The following ALKBH3 variants were observed in gnomAD, a reference collection of about 807,000 sequenced individuals.
ALKBH3 encodes alpha-ketoglutarate-dependent dioxygenase alkB homolog 3.
A neutral mutation model predicts 43.9 loss-of-function variants in ALKBH3; 51 were observed. The observed-to-expected ratio is 1.16, with a 90% confidence interval of 0.93 to 1.47. ALKBH3 has a LOEUF of 1.47. Among genes scored for constraint, ALKBH3 ranks in the 40% most tolerant of loss-of-function variants. The pLI, the probability that ALKBH3 is intolerant of heterozygous loss-of-function variation, is 0.00. For synonymous variants in ALKBH3, 102 were observed against 115.2 expected (o/e 0.89, Z 0.73); for missense variants, 361 against 351.9 (o/e 1.03, Z -0.21).
In ALKBH3 at chr11:43,882,716, G is replaced by A. The variant is rs747116638; in HGVS notation, c.64G>A (p.Ala22Thr). Residue 22 changes from alanine (A) to threonine (T), a missense_variant, in exon 2 of 10, where the codon GCC (alanine) becomes ACC (threonine). By Grantham distance (58) the Ala-to-Thr change is moderately conservative (BLOSUM62 0). Transcript: ENST00000302708. ...GAWAAPVKSQ[A>T]IAQPATTAKS... ...CTGGGCTGCCCCTGTTAAAAGCCAGGCCATTGCTCAGCCAGGCAAGAATCT... is the reference window on the plus strand; with the variant it reads ...CTGGGCTGCCCCTGTTAAAAGCCAGACCATTGCTCAGCCAGGCAAGAATCT... 1.9e-6 allele frequency: 3 copies of A among 1,612,816 alleles called. No individual in the cohort carries two copies. The South Asian group carries it at 3.3e-5, about 18-fold the overall frequency.
intron 8 of ALKBH3, 84 bp downstream of exon 8, chr11:43,901,809 G>A (rs964583495): frequency 6.8e-7 from 1 of 1,474,862 alleles, no homozygotes; most frequent in African/African-American, 1.4e-5. Flanking sequence ...TCTACTTTCA[G>A]ATTTCGAGCA....
chr11:43,899,667 C>T (rs1951846955), intron 7 of ALKBH3: 1 of 398,696 alleles, frequency 2.5e-6, no homozygotes, highest in Non-Finnish European at 4.7e-6. Context: ...CTCCTCTCAC[C>T]TCTAGAGAGC....
intron 7 of ALKBH3, chr11:43,898,648 T>C (rs545706625): frequency 1.1e-5 from 8 of 729,326 alleles, no homozygotes; most frequent in East Asian, 5.0e-5. Flanking sequence ...GCGCCACTTA[T>C]GGAGACCTGA....
At chr11:43,883,543 C>T (rs1951728255) in intron 3 of ALKBH3, among the ~76,000 whole-genome samples, 2 of 152,096 alleles carry the variant, frequency 1.3e-5, no homozygotes, top group African/African-American at 2.4e-5. Flanking sequence ...TCAGTTTTTA[C>T]AATAAAATGC....
chr11:43,886,606 C>A lies in ALKBH3; in HGVS notation c.219C>A (p.Asp73Glu), dbSNP rs1432647011. Reference sequence around the variant, plus strand: ...AAGTCTGTTTCCTTTGTTTCTTTAGCAGAGAGGGTGTGTATGAAATCAGCC... The same window carrying A: ...AAGTCTGTTTCCTTTGTTTCTTTAGAAGAGAGGGTGTGTATGAAATCAGCC... ...VRRAPEPRVI[D>E]REGVYEISLS... is the part of the protein sequence containing the mutation. The change falls in exon 5 of 10, where the codon GAC (aspartate) becomes GAA (glutamate). Residue 73 changes from aspartate to glutamate, a missense_variant and splice_region_variant. Asp to Glu is a conservative substitution (Grantham distance 45). Coordinates refer to ENST00000302708, the MANE Select transcript of ALKBH3 (RefSeq NM_139178.4). 6.2e-7 allele frequency: 1 copy of A among 1,614,056 alleles called. No individual in the cohort carries two copies. Among genetic ancestry groups the A allele is most frequent in the Non-Finnish European group, 8.5e-7 (1 of 1,179,982 alleles).
intron 7 of ALKBH3, among the ~76,000 whole-genome samples, chr11:43,899,874 A>G (rs1240337493): frequency 7.4e-5 from 11 of 148,194 alleles, no homozygotes; most frequent in Admixed American, 2.0e-4. Context: ...GGTCTCAGGA[A>G]AAAAAAAAAA....
chr11:43,897,322 T>A, intron 7 of ALKBH3: 1 of 627,830 alleles, frequency 1.6e-6, no homozygotes. Flanking sequence ...TGACAAGAAC[T>A]AGACTTTGGG....
chr11:43,919,107 A>G lies in ALKBH3; in HGVS notation c.739A>G (p.Met247Val). The change falls in exon 9 of 10, where the codon ATG becomes GTG. Residue 247 changes from methionine to valine, a missense_variant. Met to Val is a conservative substitution (Grantham distance 21). Transcript: ENST00000302708. Reference sequence around the variant, plus strand: ...CTTGGATCATGGGACCTTGTTAATCATGGAAGGAGCGACACAAGCTGACTG... The same window carrying G: ...CTTGGATCATGGGACCTTGTTAATCGTGGAAGGAGCGACACAAGCTGACTG... Reference protein sequence around the residue: ...IPLDHGTLLIMEGATQADWQH... With the variant: ...IPLDHGTLLIVEGATQADWQH... 6.2e-7 allele frequency: 1 copy of G among 1,613,524 alleles called. No individual in the cohort carries two copies. The highest frequency in any genetic ancestry group is 8.5e-7 in the Non-Finnish European group (1 of 1,179,480).
At chr11:43,913,767 G>C (rs889834413) in intron 8 of ALKBH3, among the ~76,000 whole-genome samples, 28 of 152,248 alleles carry the variant, frequency 1.8e-4, no homozygotes, top group African/African-American at 6.5e-4. Context: ...ATCAAAGAAG[G>C]CAGTCATGTC....
intron 8 of ALKBH3, chr11:43,918,679 A>C (rs902119659): frequency 5.8e-6 from 1 of 173,646 alleles, no homozygotes; most frequent in Non-Finnish European, 1.2e-5. Context: ...GGTGACTTTT[A>C]TTTCCTTCTT....
Position 43,920,169 on chromosome 11 carries a change from A to C in ALKBH3, c.*159A>C. ...GAGTCCTATTAAATGAAAGCCAGCA[A>C]CTCATGTTGGTAATAGGTCTACTGT... On this transcript the variant is annotated 3_prime_UTR_variant, in exon 10 of 10. Coordinates refer to ENST00000302708, the MANE Select transcript of ALKBH3 (RefSeq NM_139178.4). 1 of 632,932 alleles carries C rather than the reference A, an allele frequency of 1.6e-6. No individual in the cohort carries two copies. Among genetic ancestry groups the C allele is most frequent in the Non-Finnish European group, 2.7e-6 (1 of 364,372 alleles). 39.2% of individuals were successfully genotyped at this position (632,932 alleles called of 1,614,324 possible).
chr11:43,908,052 C>T (rs1951908421), intron 8 of ALKBH3, among the ~76,000 whole-genome samples: 1 of 152,122 alleles, frequency 6.6e-6, no homozygotes, highest in Non-Finnish European at 1.5e-5. Context: ...GATTTTTATT[C>T]TCTGCTTCAG....
intron 6 of ALKBH3, among the ~76,000 whole-genome samples, 197 bp downstream of exon 6, chr11:43,890,025 G>A (rs184631917): frequency 2.0e-5 from 3 of 152,328 alleles, no homozygotes; most frequent in Admixed American, 1.3e-4. Flanking sequence ...AAGGCCCAGA[G>A]ATCAGAGAGA....
intron 5 of ALKBH3, among the ~76,000 whole-genome samples, chr11:43,887,636 A>G (rs1019124904): frequency 6.6e-6 from 1 of 152,128 alleles, no homozygotes; most frequent in African/African-American, 2.4e-5. Flanking sequence ...TCTTAGTGCC[A>G]CATAATAACT....
At chr11:43,884,860 TCCCACC>T in intron 4 of ALKBH3, among the ~76,000 whole-genome samples, 1 of 152,158 alleles carries the variant, frequency 6.6e-6, no homozygotes. Flanking sequence ...CAAGTGATCC[TCCCACC>T]TCAGCCTCCC....
Position 43,920,174 on chromosome 11 carries a change from T to C in ALKBH3, c.*164T>C, listed in dbSNP as rs1324019113. ...CTATTAAATGAAAGCCAGCAACTCA[T>C]GTTGGTAATAGGTCTACTGTGGGAA... On this transcript the variant is annotated 3_prime_UTR_variant, in exon 10 of 10. Transcript: ENST00000302708. The C allele has an allele frequency of 4.8e-6, 3 of 620,606 alleles. No homozygotes were observed. Among genetic ancestry groups the C allele is most frequent in the Non-Finnish European group, 8.5e-6 (3 of 353,566 alleles). The allele number at this position is 620,606 out of a possible 1,614,324, so 38.4% of individuals were successfully genotyped here.
At chr11:43,899,118 T>A in intron 7 of ALKBH3, 1 of 771,160 alleles carries the variant, frequency 1.3e-6, no homozygotes, top group Non-Finnish European at 2.4e-6. Context: ...CTTTAACATC[T>A]ATCACTCCAA....
At chr11:43,919,196 G>A (rs1238994639) in intron 9 of ALKBH3, 60 bp downstream of exon 9, 1 of 1,399,832 alleles carries the variant, frequency 7.1e-7, no homozygotes, top group Non-Finnish European at 1.0e-6. Context: ...CTGACTCTGA[G>A]GACTATTTCT....
At chr11:43,882,248 G>T (rs12806549) in intron 1 of ALKBH3, among the ~76,000 whole-genome samples, 4,113 of 152,298 alleles carry the variant, frequency 0.027, 66 homozygotes, top group Non-Finnish European at 0.042. Context: ...GTCCATGTAG[G>T]TGAAAATGGG....
Sources: gnomAD v4.1 joint callset for allele counts (sites outside exome capture counted in the v4.1 genomes callset) on GRCh38, gnomAD v4.1.1 for gene constraint, MANE v1.5 for transcripts, NCBI Gene and HGNC (gene_info 2026-07-23, HGNC 2026-07-21) for gene names.